ARHGAP44: variants seen among roughly 807,000 people sequenced by gnomAD.
The protein encoded by ARHGAP44 is Rho GTPase activating protein 44.
ARHGAP44 carries 43 observed loss-of-function variants against 106.8 expected under a neutral mutation model. That is an observed-to-expected ratio of 0.40 (90% CI 0.32 to 0.52). The LOEUF is 0.52. Ranked by LOEUF, ARHGAP44 falls within the 20% of genes least tolerant of loss-of-function variation. The probability of loss-of-function intolerance (pLI) is 0.48; values close to 1 mark genes in which losing one functional copy is unlikely to be tolerated. For synonymous variants in ARHGAP44, 439 were observed against 410.3 expected, an observed-to-expected ratio of 1.07 and a Z score of -0.85; for missense variants, 866 against 1,050.5, an observed-to-expected ratio of 0.82 and a Z score of 2.43.
rs972454866 is a variant in ARHGAP44, at chr17:12,949,799, G to A, written c.1055+69G>A. The A allele has an allele frequency of 9.5e-6, 14 of 1,474,924 alleles. No homozygotes were observed. The highest frequency in any genetic ancestry group is 1.2e-5 in the Non-Finnish European group (13 of 1,059,278). 91.4% of individuals were successfully genotyped at this position (1,474,924 alleles called of 1,614,324 possible). On this transcript the variant is annotated intron_variant, in intron 12 of 20. Transcript: ENST00000379672. The surrounding 1 kb of genome is among the most constrained non-coding windows in gnomAD (Gnocchi z 4.1). ...TTTGGGAGTATGTGCTGAAATTATA[G>A]AAGCATGTAACCTATGATCTCGCAA...
chr17:12,890,321 C>CA (rs1311866953), intron 1 of ARHGAP44, among the ~76,000 whole-genome samples: 2 of 152,110 alleles, frequency 1.3e-5, no homozygotes, highest in Non-Finnish European at 2.9e-5. Flanking sequence ...CCCCTGTCTC[C>CA]AAAAATGTAT....
At chr17:12,813,896 G>A (rs1326507440) in intron 1 of ARHGAP44, among the ~76,000 whole-genome samples, 2 of 152,126 alleles carry the variant, frequency 1.3e-5, no homozygotes, top group Admixed American at 1.3e-4. Context: ...TGGGACACAC[G>A]TAGTCCAACT....
At chr17:12,877,816 T>C (rs985494085) in intron 1 of ARHGAP44, among the ~76,000 whole-genome samples, 2 of 152,180 alleles carry the variant, frequency 1.3e-5, no homozygotes, top group East Asian at 3.8e-4. Flanking sequence ...ATAAAAAGAC[T>C]GTCTCTGCCT....
At chr17:12,890,948 A>G (rs182683973) in intron 1 of ARHGAP44, among the ~76,000 whole-genome samples, 51 of 152,326 alleles carry the variant, frequency 3.3e-4, no homozygotes, top group African/African-American at 1.2e-3. Context: ...AGTTCAGTCA[A>G]GTTCTGTATA....
intron 18 of ARHGAP44, 72 bp from the exon 19 acceptor site, chr17:12,979,986 C>T (rs983516623): frequency 1.9e-5 from 28 of 1,460,516 alleles, no homozygotes; most frequent in Non-Finnish European, 2.5e-5. Context: ...CACAGGGTGG[C>T]CATCGGCAAG....
At chr17:12,974,616 G>A (rs1300550903) in intron 18 of ARHGAP44, among the ~76,000 whole-genome samples, 1 of 151,980 alleles carries the variant, frequency 6.6e-6, no homozygotes, top group Non-Finnish European at 1.5e-5. Flanking sequence ...TGTCTTTGTC[G>A]TTACAGTGGC....
chr17:12,861,772 C>T (rs573861979), intron 1 of ARHGAP44, among the ~76,000 whole-genome samples: 26 of 150,958 alleles, frequency 1.7e-4, no homozygotes, highest in African/African-American at 5.8e-4. Context: ...GTAGCTGGGA[C>T]TACAGGTACC....
At chr17:12,818,552 A>G (rs1287765899) in intron 1 of ARHGAP44, among the ~76,000 whole-genome samples, 1 of 152,090 alleles carries the variant, frequency 6.6e-6, no homozygotes, top group East Asian at 1.9e-4. Flanking sequence ...CACTATTTGT[A>G]GACGATGTGA....
At chr17:12,802,945 ATATATATATATATATATATATATATTTT>A (rs1418788846) in intron 1 of ARHGAP44, among the ~76,000 whole-genome samples, 9 of 15,508 alleles carry the variant, frequency 5.8e-4, no homozygotes, top group Non-Finnish European at 8.2e-4. Context: ...ATATATATAT[ATATATATATATATATATATATATATTTT>A]TTTTTTTTTT....
chr17:12,955,473 C>G (rs915226962), intron 13 of ARHGAP44, among the ~76,000 whole-genome samples: 1 of 152,116 alleles, frequency 6.6e-6, no homozygotes, highest in African/African-American at 2.4e-5. Context: ...GAAACACCAC[C>G]CCTAGCATGT....
chr17:12,891,857 T>C (rs989386299), intron 1 of ARHGAP44, among the ~76,000 whole-genome samples: 1 of 151,030 alleles, frequency 6.6e-6, no homozygotes, highest in Non-Finnish European at 1.5e-5. Context: ...TGCAGTGGCA[T>C]GATGTCGGCT....
At chr17:12,989,099 CCCAAAAAA>C (rs2040035175) in intron 20 of ARHGAP44, among the ~76,000 whole-genome samples, 1 of 37,284 alleles carries the variant, frequency 2.7e-5, no homozygotes, top group South Asian at 2.1e-3. Flanking sequence ...CTCCACCCCC[CCCAAAAAA>C]AAAAAAAAAA....
At chr17:12,867,402 G>A (rs2036265009) in intron 1 of ARHGAP44, among the ~76,000 whole-genome samples, 1 of 152,144 alleles carries the variant, frequency 6.6e-6, no homozygotes, top group Non-Finnish European at 1.5e-5. Context: ...TAAAGAGTAA[G>A]TCCCTGTTTC....
intron 15 of ARHGAP44, among the ~76,000 whole-genome samples, chr17:12,957,409 C>T (rs536316761): frequency 5.9e-5 from 9 of 152,300 alleles, no homozygotes; most frequent in Admixed American, 1.3e-4. Flanking sequence ...AGATCCTCTG[C>T]CCCAAATCCT....
intron 6 of ARHGAP44, among the ~76,000 whole-genome samples, chr17:12,922,886 T>C (rs915493696): frequency 6.6e-6 from 1 of 152,178 alleles, no homozygotes; most frequent in Non-Finnish European, 1.5e-5. Context: ...CCAAGTAGTC[T>C]GTAGGTTCTG....
At chr17:12,977,869 C>T (rs560875439) in intron 18 of ARHGAP44, among the ~76,000 whole-genome samples, 2 of 152,040 alleles carry the variant, frequency 1.3e-5, no homozygotes, top group South Asian at 2.1e-4. Flanking sequence ...GAAACCCCGT[C>T]TGTACTATAA....
At chr17:12,929,150 T>C (rs1344652660) in intron 7 of ARHGAP44, 104 bp downstream of exon 7, 1 of 1,095,172 alleles carries the variant, frequency 9.1e-7, no homozygotes, top group Non-Finnish European at 1.3e-6. Flanking sequence ...AGTGAGGCTC[T>C]AGTTGAACTG....
At chr17:12,963,993 C>G (rs532797369) in intron 16 of ARHGAP44, among the ~76,000 whole-genome samples, 1 of 152,292 alleles carries the variant, frequency 6.6e-6, no homozygotes, top group South Asian at 2.1e-4. Context: ...TCAAAACTTT[C>G]CTACTTTAGC....
intron 16 of ARHGAP44, among the ~76,000 whole-genome samples, chr17:12,961,551 A>G (rs2039261075): frequency 6.6e-6 from 1 of 152,218 alleles, no homozygotes; most frequent in Admixed American, 6.5e-5. Context: ...CCTGACCAAC[A>G]GGCAGAAACC....
Sources: gnomAD v4.1 joint callset for allele counts (sites outside exome capture counted in the v4.1 genomes callset) on GRCh38, gnomAD v4.1.1 for gene constraint, Gnocchi (gnomAD v3.1) non-coding constraint, MANE v1.5 for transcripts, NCBI Gene and HGNC (gene_info 2026-07-23, HGNC 2026-07-21) for gene names.